TANGO6: variants seen among roughly 807,000 people sequenced by gnomAD.
TANGO6 encodes the protein transport and Golgi organization protein 6 homolog.
TANGO6 carries 90 observed loss-of-function variants against 114.2 expected under a neutral mutation model. The observed-to-expected ratio is 0.79, with a 90% CI of 0.66 to 0.94. The LOEUF is 0.94. Ranked by LOEUF, TANGO6 falls within the 40% of genes least tolerant of loss-of-function variation. The pLI, the probability that TANGO6 is intolerant of heterozygous loss-of-function variation, is 0.00. For synonymous variants in TANGO6, 477 were observed against 509.8 expected, an observed-to-expected ratio of 0.94 and a Z score of 0.87; for missense variants, 1,274 against 1,315.3, an observed-to-expected ratio of 0.97 and a Z score of 0.49.
At chr16:68,892,060 T>C (rs570989375) in intron 7 of TANGO6, among the ~76,000 whole-genome samples, 32 of 152,364 alleles carry the variant, frequency 2.1e-4, no homozygotes, top group Middle Eastern at 3.4e-3. Flanking sequence ...TGTTCATTTA[T>C]TCTTTGATTC....
At chr16:69,059,913 A>G (rs1960089512) in intron 17 of TANGO6, among the ~76,000 whole-genome samples, 1 of 152,138 alleles carries the variant, frequency 6.6e-6, no homozygotes, top group African/African-American at 2.4e-5. Flanking sequence ...TTTGCATGAC[A>G]TACAAGGCCC....
At chr16:69,016,293 G>A (rs1338040620) in intron 15 of TANGO6, among the ~76,000 whole-genome samples, 4 of 152,098 alleles carry the variant, frequency 2.6e-5, no homozygotes, top group African/African-American at 9.7e-5. Flanking sequence ...AGCTACTTGG[G>A]AGGCTGAGGC....
chr16:69,021,997 T>A (rs2152227907), intron 15 of TANGO6, among the ~76,000 whole-genome samples: 1 of 151,194 alleles, frequency 6.6e-6, no homozygotes, highest in East Asian at 2.0e-4. Context: ...GCCATTCTCC[T>A]ACCTCAGCCT....
chr16:68,843,644 C>A lies in TANGO6; in HGVS notation c.27C>A (p.Ser9Arg). Residue 9 changes from serine to arginine, a missense_variant, in exon 1 of 18, where the codon AGC becomes AGA. By Grantham distance (110) the Ser-to-Arg change is moderately radical (BLOSUM62 -1). Coordinates refer to ENST00000261778, the MANE Select transcript of TANGO6 (RefSeq NM_024562.2). MAARQAVGSGAQETCGLDR... is the reference protein window; with the variant it reads MAARQAVGRGAQETCGLDR... ...TGGCGGCCCGACAGGCCGTGGGCAGCGGGGCTCAGGAGACATGCGGTCTGG... is the reference window on the plus strand; with the variant it reads ...TGGCGGCCCGACAGGCCGTGGGCAGAGGGGCTCAGGAGACATGCGGTCTGG... 1 of 1,613,616 alleles carries A rather than the reference C, an allele frequency of 6.2e-7. No homozygotes were observed. Among genetic ancestry groups the A allele is most frequent in the Non-Finnish European group, 8.5e-7 (1 of 1,179,696 alleles).
chr16:69,072,315 C>T (rs990581372), intron 17 of TANGO6, among the ~76,000 whole-genome samples: 2 of 152,078 alleles, frequency 1.3e-5, no homozygotes, highest in Middle Eastern at 3.2e-3. Flanking sequence ...AGCAGCTAAA[C>T]TAGCTTTCCT....
chr16:68,933,653 A>T (rs1186978461), intron 14 of TANGO6, among the ~76,000 whole-genome samples: 1 of 152,180 alleles, frequency 6.6e-6, no homozygotes, highest in East Asian at 1.9e-4. Flanking sequence ...ATGAAGTGTC[A>T]AAGAGAAACC....
intron 5 of TANGO6, among the ~76,000 whole-genome samples, chr16:68,877,055 T>G (rs967334937): frequency 2.0e-5 from 3 of 152,228 alleles, no homozygotes; most frequent in African/African-American, 7.2e-5. Context: ...GAATTGAAAT[T>G]ATTGGTTCAA....
chr16:68,990,898 C>A (rs1032027826), intron 15 of TANGO6, among the ~76,000 whole-genome samples: 1 of 152,150 alleles, frequency 6.6e-6, no homozygotes, highest in South Asian at 2.1e-4. Context: ...AAAATTACTT[C>A]GGTCACTCTG....
intron 14 of TANGO6, among the ~76,000 whole-genome samples, chr16:68,944,766 TA>T (rs1963395828): frequency 6.6e-6 from 1 of 152,146 alleles, no homozygotes. Context: ...CAAAATCAAA[TA>T]AAATATAAGG....
rs557331185 is a variant in TANGO6, at chr16:69,048,960, G to A, written c.3108+8539G>A. 1.7e-3 allele frequency among the ~76,000 whole-genome samples: 264 copies of A among 152,174 alleles called. 2 individuals carry two copies. Among genetic ancestry groups the A allele is most frequent in the African/African-American group, 5.2e-3 (215 of 41,518 alleles). ...AAGCCAGGCCCAGGCAGATGGGGCC[G>A]GCCTTCTGCAAGGCTGCTGCTGCTG... On this transcript the variant is annotated intron_variant, in intron 17 of 17. Coordinates refer to ENST00000261778, the MANE Select transcript of TANGO6 (RefSeq NM_024562.2).
rs1042728516 is a variant in TANGO6, at chr16:69,083,753, G to T, written c.*92G>T. On this transcript the variant is annotated 3_prime_UTR_variant, in exon 18 of 18. Transcript: ENST00000261778. ...AGCAGGTGGCCCTGCTGCCTCTTGA[G>T]TGCTGGCAGCATGGCTGACCCTCGG... 1.4e-6 allele frequency: 2 copies of T among 1,397,888 alleles called. No individual in the cohort carries two copies. The highest frequency in any genetic ancestry group is 2.4e-5 in the Admixed American group (1 of 41,924). The allele number at this position is 1,397,888 out of a possible 1,614,324, so 86.6% of individuals were successfully genotyped here.
chr16:68,914,767 G>T (rs1962974998), intron 11 of TANGO6, among the ~76,000 whole-genome samples: 1 of 152,032 alleles, frequency 6.6e-6, no homozygotes, highest in Non-Finnish European at 1.5e-5. Flanking sequence ...AGGAGCTGCT[G>T]TCCAAATGGG....
At chr16:68,918,981 C>T in intron 11 of TANGO6, 104 bp from the exon 12 acceptor site, 1 of 1,369,346 alleles carries the variant, frequency 7.3e-7, no homozygotes, top group Non-Finnish European at 9.8e-7. Context: ...TTCTTGCTAT[C>T]ATGATGTAGA....
chr16:68,913,028 C>T lies in TANGO6; in HGVS notation c.1992+3626C>T, dbSNP rs1450079574. On this transcript the variant is annotated intron_variant, in intron 11 of 17. Transcript: ENST00000261778. ...CCGGGAGGCGGAGGTTGCAGTGAGC[C>T]GAGATTGCGCCACTGCACTCCAGCC... Among the ~76,000 whole-genome samples, 4 of 148,456 alleles carry T rather than the reference C, an allele frequency of 2.7e-5. No homozygotes were observed. In the East Asian group the frequency reaches 6.0e-4, roughly 22 times the overall value.
In TANGO6 at chr16:68,974,047, C is replaced by T. The variant is rs759364664; in HGVS notation, c.2721C>T (p.Asp907=). The T allele has an allele frequency of 6.8e-6, 11 of 1,609,920 alleles. No homozygotes were observed. Among genetic ancestry groups the T allele is most frequent in the East Asian group, 2.2e-5 (1 of 44,840 alleles). The part of the protein sequence containing the change: ...SAIQGVALLS[D]VYPEKILPDL... ...CCCCAGGGGTTGCCCTGCTGTCAGA[C>T]GTCTATCCTGAGAAAATCTTGCCGG... The change falls in exon 15 of 18, where the codon GAC becomes GAT. Residue 907 remains aspartate (D), a synonymous_variant. Transcript: ENST00000261778.
chr16:69,040,304 CT>C lies in TANGO6; in HGVS notation c.2995-3del. 6.3e-7 allele frequency: 1 copy of C among 1,597,656 alleles called. No homozygotes were observed. The highest frequency in any genetic ancestry group is 8.5e-7 in the Non-Finnish European group (1 of 1,171,860). On this transcript the variant is annotated splice_region_variant and splice_polypyrimidine_tract_variant and intron_variant, in intron 16 of 17. Coordinates refer to ENST00000261778, the MANE Select transcript of TANGO6 (RefSeq NM_024562.2). ...ATCAACTTCATCTTCCTTCATCCTCCTAGGTAACAGCTTGCCTGATTGCTGT... is the reference window on the plus strand; with the variant it reads ...ATCAACTTCATCTTCCTTCATCCTCCAGGTAACAGCTTGCCTGATTGCTGT...
chr16:69,022,562 G>T (rs1959425915), intron 15 of TANGO6, among the ~76,000 whole-genome samples: 1 of 152,030 alleles, frequency 6.6e-6, no homozygotes, highest in Admixed American at 6.6e-5. Flanking sequence ...AAATTAGCCG[G>T]GCATGGTGGC....
At chr16:68,951,802 C>T (rs976228871) in intron 14 of TANGO6, among the ~76,000 whole-genome samples, 6 of 152,024 alleles carry the variant, frequency 3.9e-5, no homozygotes, top group Admixed American at 2.0e-4. Flanking sequence ...TTAGTAGAGA[C>T]GAGGTTTCAC....
chr16:68,934,458 CA>C (rs1301626513), intron 14 of TANGO6, among the ~76,000 whole-genome samples: 1 of 152,240 alleles, frequency 6.6e-6, no homozygotes, highest in East Asian at 1.9e-4. Context: ...TTCAAAGAGA[CA>C]AAATGACCAC....
Sources: allele counts gnomAD v4.1 joint callset (sites outside exome capture counted in the v4.1 genomes callset), GRCh38; gene constraint gnomAD v4.1.1; transcripts MANE v1.5; gene names NCBI Gene and HGNC (gene_info 2026-07-23, HGNC 2026-07-21).